FRMD5: variants seen among roughly 807,000 people sequenced by gnomAD.
FRMD5 encodes the protein FERM domain containing 5, also known as FERM domain-containing protein 5.
Under a neutral mutation model 69.0 loss-of-function variants are expected in FRMD5, and 20 were observed. The ratio of observed to expected loss-of-function variants is 0.29; its 90% CI spans 0.20 to 0.42. FRMD5 has a LOEUF of 0.42. FRMD5 is among the 10% of genes least tolerant of loss of function. The pLI, the probability that FRMD5 is intolerant of heterozygous loss-of-function variation, is 1.00. For missense variants in FRMD5, 595 were observed against 708.6 expected, an observed-to-expected ratio of 0.84 and a Z score of 1.82; for synonymous variants, 271 against 260.1, an observed-to-expected ratio of 1.04 and a Z score of -0.40.
At chr15:44,020,634 C>T (rs1053167566) in intron 1 of FRMD5, among the ~76,000 whole-genome samples, 7 of 152,164 alleles carry the variant, frequency 4.6e-5, no homozygotes, top group Non-Finnish European at 1.0e-4. Context: ...GACTTCTTTG[C>T]TAAATCAATG....
intron 7 of FRMD5, chr15:43,901,929 C>G: frequency 2.1e-6 from 1 of 477,914 alleles, no homozygotes; most frequent in Non-Finnish European, 3.7e-6. Context: ...ATTGCGGGGC[C>G]CTAGCTTTGG....
chr15:43,880,371 C>T (rs1466360901), intron 13 of FRMD5, among the ~76,000 whole-genome samples: 1 of 152,188 alleles, frequency 6.6e-6, no homozygotes, highest in African/African-American at 2.4e-5. Context: ...CAGCCCCTCC[C>T]TCCCTGGTTG....
intron 1 of FRMD5, chr15:43,989,675 G>A (rs1253454816): frequency 4.2e-6 from 4 of 948,290 alleles, no homozygotes; most frequent in African/African-American, 1.6e-5. Context: ...ATGGGGGAGG[G>A]CATACTCTTC....
chr15:44,017,134 C>G (rs1278294726), intron 1 of FRMD5, among the ~76,000 whole-genome samples: 1 of 151,916 alleles, frequency 6.6e-6, no homozygotes, highest in Non-Finnish European at 1.5e-5. Context: ...GTCAGGAGAT[C>G]AAGACCATCC....
chr15:43,989,226 C>A lies in FRMD5; in HGVS notation c.103-64917G>T, dbSNP rs112617792. ...TGATCTTGATCTTCATTGTGCTGGG[C>A]GCCAGGGTGGTGATCTTCTGCATCC... On this transcript the variant is annotated intron_variant, in intron 1 of 13. Coordinates refer to ENST00000417257, the MANE Select transcript of FRMD5 (RefSeq NM_032892.5). 127 of 807,138 alleles carry A rather than the reference C, an allele frequency of 1.6e-4. 1 individual carries two copies. The highest frequency in any genetic ancestry group is 2.8e-4 in the Non-Finnish European group (123 of 446,940). 50.0% of individuals were successfully genotyped at this position (807,138 alleles called of 1,614,324 possible). A position where few individuals can be genotyped will look rare whatever the true frequency, so the allele number is the denominator to read the frequency against.
At chr15:44,188,557 T>C (rs930934561) in intron 1 of FRMD5, among the ~76,000 whole-genome samples, 16 of 152,174 alleles carry the variant, frequency 1.1e-4, no homozygotes, top group Non-Finnish European at 5.9e-5. Flanking sequence ...ATTCACTAGG[T>C]CTGGGATGGG....
chr15:44,160,297 A>G (rs553914067), intron 1 of FRMD5, among the ~76,000 whole-genome samples: 2 of 152,384 alleles, frequency 1.3e-5, no homozygotes, highest in East Asian at 3.9e-4. Flanking sequence ...CAGAGGTTGC[A>G]GTGAGCCGAG....
At chr15:44,119,848 A>G (rs1055840002) in intron 1 of FRMD5, among the ~76,000 whole-genome samples, 1 of 151,840 alleles carries the variant, frequency 6.6e-6, no homozygotes, top group African/African-American at 2.4e-5. Context: ...TGTTTTATTC[A>G]TTACTATTTC....
chr15:43,876,569 A>G (rs2088364946), intron 13 of FRMD5, among the ~76,000 whole-genome samples: 1 of 152,208 alleles, frequency 6.6e-6, no homozygotes, highest in African/African-American at 2.4e-5. Flanking sequence ...TGTCATGCCT[A>G]ACTGGGTTTC....
intron 1 of FRMD5, among the ~76,000 whole-genome samples, chr15:44,093,728 A>G (rs999785704): frequency 2.6e-5 from 4 of 151,950 alleles, no homozygotes; most frequent in Middle Eastern, 3.4e-3. Context: ...GCCCTCCACC[A>G]TGCCCGGCTA....
intron 1 of FRMD5, among the ~76,000 whole-genome samples, chr15:44,103,683 C>T (rs1419856144): frequency 6.6e-6 from 1 of 152,202 alleles, no homozygotes; most frequent in Non-Finnish European, 1.5e-5. Context: ...AGCAAGCAAT[C>T]ATTCCCCATT....
intron 10 of FRMD5, among the ~76,000 whole-genome samples, chr15:43,886,885 G>A (rs969996214): frequency 5.9e-5 from 9 of 151,752 alleles, no homozygotes; most frequent in Non-Finnish European, 1.0e-4. Context: ...GGCTTTTACC[G>A]TTTGATGAGA....
At chr15:44,040,903 G>T (rs994426539) in intron 1 of FRMD5, among the ~76,000 whole-genome samples, 1 of 144,010 alleles carries the variant, frequency 6.9e-6, no homozygotes, top group African/African-American at 2.5e-5. Flanking sequence ...CCATCAGTGT[G>T]CTGTATTCAG....
intron 1 of FRMD5, among the ~76,000 whole-genome samples, chr15:44,099,890 G>A (rs532999918): frequency 3.3e-5 from 5 of 152,050 alleles, no homozygotes; most frequent in South Asian, 2.1e-4. Context: ...GAGTTCAACC[G>A]AACTATTCTG....
At chr15:44,141,747 GCATC>G (rs2140447062) in intron 1 of FRMD5, among the ~76,000 whole-genome samples, 1 of 152,326 alleles carries the variant, frequency 6.6e-6, no homozygotes, top group African/African-American at 2.4e-5. Context: ...TAGAGTGTGA[GCATC>G]ACTTTCCAAG....
At position 44,019,737 on chromosome 15, in the gene FRMD5, C is replaced by CAAAA. The variant is rs1189890743; in HGVS notation, c.103-95432_103-95429dup. 9.4e-3 allele frequency among the ~76,000 whole-genome samples: 222 copies of CAAAA among 23,500 alleles called. 7 individuals are homozygous for CAAAA. The highest frequency in any genetic ancestry group is 0.032 in the African/African-American group (203 of 6,318). 15.4% of individuals were successfully genotyped at this position (23,500 alleles called of 152,430 possible). Reference sequence around the variant, plus strand: ...GGGCAATGAGAGCAAGAGTCTGTCTCAAAAAAAAAAAAAAAAAAAAAAAAG... The same window carrying CAAAA: ...GGGCAATGAGAGCAAGAGTCTGTCTCAAAAAAAAAAAAAAAAAAAAAAAAAAAAG... On this transcript the variant is annotated intron_variant, in intron 1 of 13. Transcript: ENST00000417257.
chr15:44,024,509 C>G (rs1419423986), intron 1 of FRMD5, among the ~76,000 whole-genome samples: 1 of 152,134 alleles, frequency 6.6e-6, no homozygotes, highest in Admixed American at 6.5e-5. Context: ...GAAATGGTAT[C>G]TCATCTTTTA....
intron 13 of FRMD5, chr15:43,876,210 G>A (rs746474755): frequency 2.0e-5 from 32 of 1,591,574 alleles, no homozygotes; most frequent in South Asian, 3.3e-5. Flanking sequence ...CCCTTTCCCC[G>A]CTTTTCCAGA....
chr15:44,073,109 T>C (rs1294545077), intron 1 of FRMD5, among the ~76,000 whole-genome samples: 1 of 152,116 alleles, frequency 6.6e-6, no homozygotes, highest in Non-Finnish European at 1.5e-5. Flanking sequence ...CACTCCAGCC[T>C]GGGTAACAAA....
Sources: allele counts gnomAD v4.1 joint callset (sites outside exome capture counted in the v4.1 genomes callset), GRCh38; gene constraint gnomAD v4.1.1; transcripts MANE v1.5; gene names NCBI Gene and HGNC (gene_info 2026-07-23, HGNC 2026-07-21).